Variants in DNAI7 observed in about 807,000 individuals in gnomAD.
DNAI7 encodes the protein dynein axonemal intermediate chain 7, also known as cancer susceptibility 1.
DNAI7 carries 78 observed loss-of-function variants against 86.6 expected under a neutral mutation model. That is an observed-to-expected ratio of 0.90 (90% CI 0.75 to 1.09). The LOEUF (loss-of-function observed/expected upper bound fraction) is 1.09, where lower values mean the gene tolerates loss of function less well. Among genes scored for constraint, DNAI7 ranks in the 50% least tolerant of loss-of-function variants. DNAI7 has a pLI of 0.00. For synonymous variants in DNAI7, 274 were observed against 273.0 expected (o/e 1.00, Z -0.04); for missense variants, 753 against 810.2 (o/e 0.93, Z 0.86).
intron 11 of DNAI7, among the ~76,000 whole-genome samples, chr12:25,120,268 A>C (rs1468268624): frequency 1.4e-5 from 2 of 142,900 alleles, no homozygotes; most frequent in Non-Finnish European, 3.0e-5. Flanking sequence ...ATCTGTGTAC[A>C]GGTGTGTTAG....
intron 3 of DNAI7, chr12:25,158,772 T>C: frequency 1.7e-6 from 2 of 1,163,342 alleles, no homozygotes; most frequent in East Asian, 7.2e-5. Flanking sequence ...CATCAAAAAG[T>C]GGGCAAAGGA....
At chr12:25,107,773 G>T, downstream of DNAI7, 1 of 1,587,028 alleles carries the variant, frequency 6.3e-7, no homozygotes, top group South Asian at 1.1e-5. Context: ...TGTTTCTAAT[G>T]ACAAATTACC....
chr12:25,132,396 T>A (rs1943040575), intron 9 of DNAI7, among the ~76,000 whole-genome samples: 1 of 152,136 alleles, frequency 6.6e-6, no homozygotes, highest in Non-Finnish European at 1.5e-5. Context: ...TAAAAAAAAT[T>A]TAACAATACA....
chr12:25,172,116 C>G (rs893750938), intron 2 of DNAI7, among the ~76,000 whole-genome samples: 1 of 152,058 alleles, frequency 6.6e-6, no homozygotes, highest in Non-Finnish European at 1.5e-5. Flanking sequence ...CTAGGCAGAG[C>G]AATCAGACAA....
chr12:25,193,178 G>A (rs964872958), intron 1 of DNAI7, among the ~76,000 whole-genome samples: 2 of 151,830 alleles, frequency 1.3e-5, no homozygotes, highest in African/African-American at 4.8e-5. Context: ...AAATTCATAC[G>A]TTGAAATTCT....
intron 7 of DNAI7, among the ~76,000 whole-genome samples, chr12:25,149,333 C>T (rs1592430943): frequency 6.6e-6 from 1 of 152,240 alleles, no homozygotes; most frequent in East Asian, 1.9e-4. Flanking sequence ...AATCCCAGTA[C>T]TTTGGGAGGC....
chr12:25,161,160 C>A lies in DNAI7; in HGVS notation c.59G>T (p.Arg20Leu), dbSNP rs143518266. Residue 20 changes from arginine to leucine, a missense_variant, in exon 3 of 16, where the codon CGA (arginine) becomes CTA (leucine). Physicochemically the swap from Arg to Leu is moderately radical, Grantham distance 102 (BLOSUM62 -2). Coordinates refer to ENST00000395987, the MANE Select transcript of DNAI7 (RefSeq NM_018272.5). ...CTCCTCCTCTTGTAGCAGCTTCAAT[C>A]GTTCAGCTTTGGTGACTTTCTTTTT... ...SKKKKVTKAE[R>L]LKLLQEEEER... 1 of 1,613,934 alleles carries A rather than the reference C, an allele frequency of 6.2e-7. No individual in the cohort carries two copies. Among genetic ancestry groups the A allele is most frequent in the South Asian group, 1.1e-5 (1 of 91,076 alleles).
At chr12:25,115,165 C>G (rs1270504107) in intron 12 of DNAI7, among the ~76,000 whole-genome samples, 1 of 152,168 alleles carries the variant, frequency 6.6e-6, no homozygotes, top group Non-Finnish European at 1.5e-5. Context: ...TTTTCTTTCC[C>G]TAACAACACT....
chr12:25,134,157 G>C (rs183533748), intron 9 of DNAI7, among the ~76,000 whole-genome samples: 5 of 151,856 alleles, frequency 3.3e-5, no homozygotes, highest in Non-Finnish European at 7.4e-5. Context: ...ACCACATCCG[G>C]CTACTTTTTT....
Position 25,108,810 on chromosome 12 carries a change from A to C in DNAI7, c.1907T>G (p.Leu636Arg). The C allele has an allele frequency of 8.6e-7, 1 of 1,157,376 alleles. No individual in the cohort carries two copies. The allele number at this position is 1,157,376 out of a possible 1,614,324, so 71.7% of individuals were successfully genotyped here. The change falls in exon 16 of 16, where the codon CTT becomes CGT. Residue 636 changes from leucine (L) to arginine (R), a missense_variant. Transcript: ENST00000395987. ...TKVVFKVREH[L>R]TEACTENPNW... is the part of the protein sequence containing the mutation. ...AGGATTCTCAGTACATGCTTCAGTAAGGTGTTCCCTCACCTAAAAAAAAAA... is the reference window on the plus strand; with the variant it reads ...AGGATTCTCAGTACATGCTTCAGTACGGTGTTCCCTCACCTAAAAAAAAAA...
intron 2 of DNAI7, among the ~76,000 whole-genome samples, chr12:25,174,727 T>TATATATGGAATATAGATATC: frequency 9.1e-5 from 1 of 10,996 alleles, no homozygotes. Flanking sequence ...ATATATATCA[T>TATATATGGAATATAGATATC]ATATATATGG....
chr12:25,150,432 A>G lies in DNAI7; in HGVS notation c.439-658T>C, dbSNP rs983097159. 6.6e-5 allele frequency among the ~76,000 whole-genome samples: 10 copies of G among 152,012 alleles called. 1 individual carries two copies. Among genetic ancestry groups the G allele is most frequent in the South Asian group, 2.1e-4 (1 of 4,800 alleles). ...ATCCTGGCTAACACAGTGAAACCCC[A>G]TCTCTACTAAAAATACAAAAAATTA... On this transcript the variant is annotated intron_variant, in intron 6 of 15. Transcript: ENST00000395987.
intron 13 of DNAI7, among the ~76,000 whole-genome samples, chr12:25,112,720 T>A (rs6487455): frequency 0.83 from 126,696 of 152,102 alleles, 53,102 homozygotes; most frequent in East Asian, 0.99. Context: ...CATCTGTTTT[T>A]TTTTTAATGT....
intron 10 of DNAI7, among the ~76,000 whole-genome samples, chr12:25,122,868 A>G (rs1485433779): frequency 6.6e-6 from 1 of 152,268 alleles, no homozygotes; most frequent in African/African-American, 2.4e-5. Context: ...TACTTCAAAA[A>G]GTGAGGTTAC....
intron 2 of DNAI7, among the ~76,000 whole-genome samples, chr12:25,177,961 C>T (rs1949124801): frequency 6.6e-6 from 1 of 152,034 alleles, no homozygotes; most frequent in South Asian, 2.1e-4. Context: ...CATATTAAAC[C>T]AACTCTCCCT....
At chr12:25,164,344 A>C (rs1267412650) in intron 2 of DNAI7, among the ~76,000 whole-genome samples, 2 of 149,056 alleles carry the variant, frequency 1.3e-5, no homozygotes, top group African/African-American at 2.5e-5. Context: ...AGAACCCCCC[A>C]CCCCTTCTCT....
At position 25,118,179 on chromosome 12, in the gene DNAI7, C is replaced by T. The variant is rs368402647; in HGVS notation, c.1396+966G>A. Among the ~76,000 whole-genome samples, 209 of 151,888 alleles carry T rather than the reference C, an allele frequency of 1.4e-3. 2 individuals are homozygous for T. Among genetic ancestry groups the T allele is most frequent in the South Asian group, 0.01 (49 of 4,808 alleles). ...AACTCCTGACCTCAGGTGATACGCC[C>T]GCCTTGGCACTCCAAAGTGCTGGGA... On this transcript the variant is annotated intron_variant, in intron 12 of 15. Coordinates refer to ENST00000395987, the MANE Select transcript of DNAI7 (RefSeq NM_018272.5).
chr12:25,188,523 C>A (rs1182014506), intron 2 of DNAI7, among the ~76,000 whole-genome samples: 1 of 152,024 alleles, frequency 6.6e-6, no homozygotes, highest in Non-Finnish European at 1.5e-5. Context: ...ATTCCCTTTA[C>A]AGAACACCTC....
At chr12:25,189,733 T>C (rs1226915691) in intron 2 of DNAI7, among the ~76,000 whole-genome samples, 1 of 152,150 alleles carries the variant, frequency 6.6e-6, no homozygotes, top group Non-Finnish European at 1.5e-5. Flanking sequence ...AAGTGACATT[T>C]GAGATATGCC....
Sources: gnomAD v4.1 joint callset for allele counts (sites outside exome capture counted in the v4.1 genomes callset) on GRCh38, gnomAD v4.1.1 for gene constraint, MANE v1.5 for transcripts, NCBI Gene and HGNC (gene_info 2026-07-23, HGNC 2026-07-21) for gene names.